The following CPA6 variants were observed in gnomAD, a reference collection of about 807,000 sequenced individuals.
CPA6 encodes carboxypeptidase A6, also known as carboxypeptidase B.
Under a neutral mutation model 63.3 loss-of-function variants are expected in CPA6, and 58 were observed. That is an observed-to-expected ratio of 0.92 (90% CI 0.74 to 1.14). The LOEUF (loss-of-function observed/expected upper bound fraction) is 1.14. CPA6 is among the 50% of genes most tolerant of loss of function. The pLI is 0.00. For synonymous variants in CPA6, 185 were observed against 179.0 expected, an observed-to-expected ratio of 1.03 and a Z score of -0.27; for missense variants, 565 against 526.6, an observed-to-expected ratio of 1.07 and a Z score of -0.71.
At chr8:67,698,350 C>T (rs189507303) in intron 1 of CPA6, among the ~76,000 whole-genome samples, 18 of 152,254 alleles carry the variant, frequency 1.2e-4, no homozygotes, top group Admixed American at 2.6e-4. Flanking sequence ...TTAAACAACT[C>T]CTGGTGATTC....
chr8:67,642,793 T>TCTCACACACACACACA (rs369938715), intron 1 of CPA6, among the ~76,000 whole-genome samples: 3 of 145,178 alleles, frequency 2.1e-5, no homozygotes, highest in African/African-American at 5.1e-5. Context: ...GGCCTTTATC[T>TCTCACACACACACACA]CACACACACA....
chr8:67,551,577 T>C (rs1056759174), intron 2 of CPA6, among the ~76,000 whole-genome samples: 1 of 152,210 alleles, frequency 6.6e-6, no homozygotes, highest in African/African-American at 2.4e-5. Context: ...GGCTGTTTGA[T>C]AGGAATCATA....
chr8:67,570,879 T>C (rs2128976327), intron 2 of CPA6, among the ~76,000 whole-genome samples: 1 of 152,050 alleles, frequency 6.6e-6, no homozygotes, highest in African/African-American at 2.4e-5. Flanking sequence ...TGTATTAAAT[T>C]CCCCAATTCA....
At chr8:67,558,235 C>T (rs967455314) in intron 2 of CPA6, among the ~76,000 whole-genome samples, 1 of 152,208 alleles carries the variant, frequency 6.6e-6, no homozygotes, top group African/African-American at 2.4e-5. Flanking sequence ...AACTAATAAG[C>T]TCATTATCAC....
chr8:67,700,425 G>A (rs1481509258), intron 1 of CPA6, among the ~76,000 whole-genome samples: 1 of 152,158 alleles, frequency 6.6e-6, no homozygotes. Flanking sequence ...AATTACTGGT[G>A]GCATTTCCTC....
chr8:67,741,149 G>T (rs1226734853), intron 1 of CPA6, among the ~76,000 whole-genome samples: 1 of 152,178 alleles, frequency 6.6e-6, no homozygotes, highest in Non-Finnish European at 1.5e-5. Context: ...CAAGACGTGA[G>T]AGGCATCTTC....
At chr8:67,541,673 CG>C (rs1563992463) in intron 2 of CPA6, among the ~76,000 whole-genome samples, 1 of 152,110 alleles carries the variant, frequency 6.6e-6, no homozygotes, top group African/African-American at 2.4e-5. Context: ...TTCTTTAACT[CG>C]GTGTCTGAGG....
At chr8:67,585,260 G>A (rs1467579325) in intron 2 of CPA6, among the ~76,000 whole-genome samples, 2 of 152,176 alleles carry the variant, frequency 1.3e-5, no homozygotes, top group Admixed American at 6.5e-5. Context: ...CAGGGATGAG[G>A]CTAATGATGA....
intron 1 of CPA6, among the ~76,000 whole-genome samples, chr8:67,687,480 C>A (rs575385703): frequency 6.6e-6 from 1 of 151,360 alleles, no homozygotes; most frequent in East Asian, 1.9e-4. Flanking sequence ...GACATGGACT[C>A]ATATGCAATT....
At chr8:67,442,070 A>G (rs1810306507) in intron 8 of CPA6, among the ~76,000 whole-genome samples, 1 of 152,204 alleles carries the variant, frequency 6.6e-6, no homozygotes, top group Non-Finnish European at 1.5e-5. Context: ...GAGCAAGGAA[A>G]TATAAAGAAA....
At chr8:67,524,761 G>A (rs1321760926) in intron 2 of CPA6, among the ~76,000 whole-genome samples, 1 of 151,962 alleles carries the variant, frequency 6.6e-6, no homozygotes, top group Non-Finnish European at 1.5e-5. Context: ...AGTAGGGACT[G>A]ATATATTTTC....
intron 1 of CPA6, among the ~76,000 whole-genome samples, chr8:67,633,209 A>AT (rs1049857105): frequency 2.0e-5 from 3 of 151,906 alleles, no homozygotes; most frequent in Admixed American, 6.6e-5. Context: ...CCTAAATTCC[A>AT]TTTTTTCCCC....
intron 8 of CPA6, among the ~76,000 whole-genome samples, chr8:67,447,723 TACAAGTGTATC>T (rs1263357437): frequency 6.6e-6 from 1 of 152,240 alleles, no homozygotes. Context: ...AGCAATACTC[TACAAGTGTATC>T]ACCTTTTGAT....
intron 2 of CPA6, among the ~76,000 whole-genome samples, chr8:67,526,522 T>C (rs1812368482): frequency 6.6e-6 from 1 of 152,040 alleles, no homozygotes; most frequent in Non-Finnish European, 1.5e-5. Flanking sequence ...GGAGCTGGGC[T>C]ACCTCCTAGG....
chr8:67,589,480 G>C (rs1402288229), intron 2 of CPA6, among the ~76,000 whole-genome samples: 1 of 152,176 alleles, frequency 6.6e-6, no homozygotes, highest in Non-Finnish European at 1.5e-5. Flanking sequence ...TCTGAAAGAA[G>C]CTGACTAGAT....
intron 1 of CPA6, among the ~76,000 whole-genome samples, chr8:67,666,959 T>C (rs1048234135): frequency 2.6e-5 from 4 of 152,166 alleles, no homozygotes; most frequent in African/African-American, 9.7e-5. Context: ...GCACAAGGTT[T>C]ACATATCTGC....
At chr8:67,439,896 G>T (rs1053471462) in intron 8 of CPA6, among the ~76,000 whole-genome samples, 12 of 152,096 alleles carry the variant, frequency 7.9e-5, no homozygotes, top group Non-Finnish European at 1.5e-5. Flanking sequence ...AAAATATTGA[G>T]ATTACGGGCA....
intron 2 of CPA6, among the ~76,000 whole-genome samples, chr8:67,523,377 A>C (rs1192765384): frequency 6.6e-6 from 1 of 151,970 alleles, no homozygotes; most frequent in Non-Finnish European, 1.5e-5. Flanking sequence ...AAATATAAAA[A>C]AATTAGCCAG....
intron 1 of CPA6, among the ~76,000 whole-genome samples, chr8:67,668,782 C>G (rs184945723): frequency 1.0e-3 from 154 of 150,230 alleles, no homozygotes; most frequent in South Asian, 1.9e-3. Context: ...TATCAAGAAG[C>G]ACATAATGAA....
Sources: allele counts gnomAD v4.1 joint callset (sites outside exome capture counted in the v4.1 genomes callset), GRCh38; gene constraint gnomAD v4.1.1; transcripts MANE v1.5; gene names NCBI Gene and HGNC (gene_info 2026-07-23, HGNC 2026-07-21).